The following SHISA9 variants were observed in gnomAD, a reference collection of about 807,000 sequenced individuals.
SHISA9 encodes the protein protein shisa-9.
Under a neutral mutation model 38.0 loss-of-function variants are expected in SHISA9, and 13 were observed. That is an observed-to-expected ratio of 0.34 (90% confidence interval 0.22 to 0.54). The LOEUF (loss-of-function observed/expected upper bound fraction) is 0.54, where lower values mean the gene tolerates loss of function less well. SHISA9 is among the 20% of genes least tolerant of loss of function. SHISA9 has a pLI of 0.91. For missense variants in SHISA9, 538 were observed against 575.8 expected (o/e 0.93, Z 0.67); for synonymous variants, 275 against 242.0 (o/e 1.14, Z -1.27).
the SHISA9 span, among the ~76,000 whole-genome samples, chr16:13,312,701 A>T: frequency 1.3e-5 from 2 of 152,168 alleles, no homozygotes; most frequent in Non-Finnish European, 2.9e-5. Context: ...CTAAATTTAT[A>T]ATGTTTAGGT....
At chr16:13,494,497 A>G in the SHISA9 span, among the ~76,000 whole-genome samples, 2 of 152,210 alleles carry the variant, frequency 1.3e-5, no homozygotes, top group African/African-American at 4.8e-5. Flanking sequence ...ACAACTTCCA[A>G]TCATAAATGA....
chr16:13,431,695 C>A, the SHISA9 span, among the ~76,000 whole-genome samples: 1 of 152,176 alleles, frequency 6.6e-6, no homozygotes, highest in South Asian at 2.1e-4. Context: ...AGCTCCCTGC[C>A]TTCTCATAGT....
rs1340057640 is a variant in SHISA9, at chr16:13,235,678, C to T, written c.*269C>T. 4.6e-6 allele frequency: 2 copies of T among 437,512 alleles called. No individual in the cohort carries two copies. Among genetic ancestry groups the T allele is most frequent in the Admixed American group, 4.0e-5 (1 of 24,710 alleles). 27.1% of individuals were successfully genotyped at this position (437,512 alleles called of 1,614,324 possible). A position where few individuals can be genotyped will look rare whatever the true frequency, so the allele number is the denominator to read the frequency against. ...TGAGGCACACTCTTTCCACTTCAGG[C>T]CCAAGATGGCCAACTCACATGCCCA... On this transcript the variant is annotated 3_prime_UTR_variant, in exon 5 of 5. Coordinates refer to ENST00000558583, the MANE Select transcript of SHISA9 (RefSeq NM_001145204.3).
chr16:13,354,045 G>T, the SHISA9 span, among the ~76,000 whole-genome samples: 1 of 147,680 alleles, frequency 6.8e-6, no homozygotes. Flanking sequence ...AGACAAAGAG[G>T]TATTTTAGTT....
At chr16:13,458,873 TG>T in the SHISA9 span, among the ~76,000 whole-genome samples, 1 of 152,060 alleles carries the variant, frequency 6.6e-6, no homozygotes, top group Non-Finnish European at 1.5e-5. Context: ...TTTTGTTTTT[TG>T]TTTTTTTTTT....
At chr16:13,378,517 A>G in the SHISA9 span, among the ~76,000 whole-genome samples, 2 of 152,198 alleles carry the variant, frequency 1.3e-5, no homozygotes, top group African/African-American at 4.8e-5. Flanking sequence ...GCCGTGGTCT[A>G]CTTGACCAGC....
intron 1 of SHISA9, among the ~76,000 whole-genome samples, chr16:12,905,131 G>GGTGTGT (rs370762163): frequency 1.3e-5 from 2 of 151,588 alleles, no homozygotes; most frequent in African/African-American, 4.8e-5. Context: ...ACTGTACTGG[G>GGTGTGT]GTGTGTGTGT....
the SHISA9 span, among the ~76,000 whole-genome samples, chr16:13,414,307 A>T: frequency 2.4e-4 from 37 of 152,204 alleles, no homozygotes; most frequent in Non-Finnish European, 5.1e-4. Flanking sequence ...TTAAGCCCTG[A>T]AGTTCAAACC....
chr16:13,109,865 A>G (rs536482582), intron 2 of SHISA9, among the ~76,000 whole-genome samples: 35 of 152,272 alleles, frequency 2.3e-4, no homozygotes, highest in African/African-American at 8.2e-4. Context: ...TTGCTGCATA[A>G]TATTCCATCA....
At chr16:13,157,600 T>C (rs1167986444) in intron 2 of SHISA9, among the ~76,000 whole-genome samples, 1 of 152,224 alleles carries the variant, frequency 6.6e-6, no homozygotes, top group Non-Finnish European at 1.5e-5. Flanking sequence ...TTATGTGTTG[T>C]GACTAAAATT....
chr16:13,508,536 G>T, the SHISA9 span, among the ~76,000 whole-genome samples: 1 of 152,038 alleles, frequency 6.6e-6, no homozygotes, highest in Non-Finnish European at 1.5e-5. Flanking sequence ...TCCAGGGTGG[G>T]GTGGGAAGTG....
chr16:13,461,969 G>A, the SHISA9 span, among the ~76,000 whole-genome samples: 1 of 152,002 alleles, frequency 6.6e-6, no homozygotes, highest in African/African-American at 2.4e-5. Flanking sequence ...ATTCAATAAA[G>A]AAGAATTGTT....
chr16:13,545,533 T>C, the SHISA9 span, among the ~76,000 whole-genome samples: 1 of 152,324 alleles, frequency 6.6e-6, no homozygotes, highest in South Asian at 2.1e-4. Context: ...CCTCCACCCC[T>C]GAGCATGGGA....
chr16:13,128,977 G>A (rs1037084679), intron 2 of SHISA9, among the ~76,000 whole-genome samples: 32 of 152,246 alleles, frequency 2.1e-4, no homozygotes, highest in South Asian at 1.7e-3. Context: ...TTACAGAAGT[G>A]GTTTTGTGGA....
chr16:13,430,817 G>A, the SHISA9 span, among the ~76,000 whole-genome samples: 1 of 151,692 alleles, frequency 6.6e-6, no homozygotes, highest in Non-Finnish European at 1.5e-5. Flanking sequence ...TACTTGGGAG[G>A]TCAAGGTGGG....
At chr16:13,301,224 G>A in the SHISA9 span, among the ~76,000 whole-genome samples, 1 of 152,124 alleles carries the variant, frequency 6.6e-6, no homozygotes, top group Non-Finnish European at 1.5e-5. Context: ...AATGCCCCCA[G>A]AGGAGAAAAG....
chr16:13,390,056 A>G, the SHISA9 span, among the ~76,000 whole-genome samples: 1 of 152,134 alleles, frequency 6.6e-6, no homozygotes, highest in East Asian at 1.9e-4. Flanking sequence ...GAAAATCAGA[A>G]TGCTTTGCCT....
chr16:13,361,059 T>G, the SHISA9 span, among the ~76,000 whole-genome samples: 2 of 152,218 alleles, frequency 1.3e-5, no homozygotes, highest in Non-Finnish European at 1.5e-5. Context: ...GAGATTCAAA[T>G]AGACACTCAA....
the SHISA9 span, among the ~76,000 whole-genome samples, chr16:13,374,158 A>AT: frequency 1.9e-4 from 28 of 145,862 alleles, no homozygotes; most frequent in East Asian, 2.3e-3. Flanking sequence ...TTGTTTTTGT[A>AT]TTTTTTTTTC....
Sources: allele counts gnomAD v4.1 joint callset (sites outside exome capture counted in the v4.1 genomes callset), GRCh38; gene constraint gnomAD v4.1.1; transcripts MANE v1.5; gene names NCBI Gene and HGNC (gene_info 2026-07-23, HGNC 2026-07-21).